Variants in DENND1A observed in about 807,000 individuals in gnomAD.
DENND1A encodes the protein DENN domain-containing protein 1A.
A neutral mutation model predicts 113.7 loss-of-function variants in DENND1A; 51 were observed. The observed-to-expected ratio is 0.45, with a 90% CI of 0.36 to 0.57. DENND1A has a LOEUF of 0.57. Among genes scored for constraint, DENND1A ranks in the 20% least tolerant of loss-of-function variants. The probability of loss-of-function intolerance (pLI) is 0.00; values close to 1 mark genes in which losing one functional copy is unlikely to be tolerated. For missense variants in DENND1A, 1,258 were observed against 1,395.9 expected, an observed-to-expected ratio of 0.90 and a Z score of 1.57; for synonymous variants, 565 against 570.8, an observed-to-expected ratio of 0.99 and a Z score of 0.14.
intron 13 of DENND1A, among the ~76,000 whole-genome samples, chr9:123,517,225 C>G (rs1355530869): frequency 6.6e-6 from 1 of 150,594 alleles, no homozygotes; most frequent in Non-Finnish European, 1.5e-5. Context: ...TGCACTCCAG[C>G]CTGGGCAACA....
intron 10 of DENND1A, among the ~76,000 whole-genome samples, chr9:123,627,793 G>C (rs1008577098): frequency 6.7e-6 from 1 of 150,326 alleles, no homozygotes; most frequent in Non-Finnish European, 1.5e-5. Flanking sequence ...GAGAGAGAGA[G>C]AGCAAGCTCA....
intron 5 of DENND1A, among the ~76,000 whole-genome samples, chr9:123,678,736 T>C (rs1202978433): frequency 6.6e-6 from 1 of 152,256 alleles, no homozygotes; most frequent in African/African-American, 2.4e-5. Context: ...AACTTAACTT[T>C]TCACTTCTAT....
intron 13 of DENND1A, among the ~76,000 whole-genome samples, chr9:123,468,474 A>G (rs970547582): frequency 6.6e-6 from 1 of 152,142 alleles, no homozygotes; most frequent in African/African-American, 2.4e-5. Context: ...CCTTTTTAAA[A>G]ACTTAAGAAT....
chr9:123,418,117 A>G (rs1224623248), intron 19 of DENND1A, among the ~76,000 whole-genome samples: 1 of 152,194 alleles, frequency 6.6e-6, no homozygotes, highest in African/African-American at 2.4e-5. Context: ...CGTCCTTGGT[A>G]TAGAAAATGC....
chr9:123,493,498 G>A (rs1024746358), intron 13 of DENND1A, among the ~76,000 whole-genome samples: 12 of 152,150 alleles, frequency 7.9e-5, no homozygotes, highest in African/African-American at 1.7e-4. Context: ...CCCAGAGAGC[G>A]GGGCCATCAC....
chr9:123,531,981 T>A (rs1181877532), intron 13 of DENND1A, among the ~76,000 whole-genome samples: 1 of 152,138 alleles, frequency 6.6e-6, no homozygotes, highest in Non-Finnish European at 1.5e-5. Flanking sequence ...TAACATGTGA[T>A]GAATGGAGGT....
chr9:123,881,226 G>GTGCTCTTT (rs1222870718), intron 1 of DENND1A, among the ~76,000 whole-genome samples: 2 of 152,226 alleles, frequency 1.3e-5, no homozygotes, highest in Non-Finnish European at 2.9e-5. Flanking sequence ...AAAAATTGTT[G>GTGCTCTTT]TGCTCTTTTT....
chr9:123,440,241 T>A (rs964580591), intron 19 of DENND1A, 119 bp downstream of exon 19: 16 of 1,218,824 alleles, frequency 1.3e-5, no homozygotes, highest in Non-Finnish European at 1.8e-5. Flanking sequence ...AAAACCTCCA[T>A]GGAGCTGCAC....
At chr9:123,758,449 A>C (rs2070759942) in intron 4 of DENND1A, among the ~76,000 whole-genome samples, 1 of 152,244 alleles carries the variant, frequency 6.6e-6, no homozygotes, top group Admixed American at 6.5e-5. Context: ...ACCAGAATAC[A>C]TCCTTAGTAA....
At chr9:123,505,031 T>G (rs2052799672) in intron 13 of DENND1A, among the ~76,000 whole-genome samples, 1 of 152,214 alleles carries the variant, frequency 6.6e-6, no homozygotes, top group Admixed American at 6.5e-5. Context: ...TCACTCTTAA[T>G]GTTAAATAAT....
chr9:123,587,485 T>C (rs144754972), intron 11 of DENND1A, among the ~76,000 whole-genome samples: 1 of 152,154 alleles, frequency 6.6e-6, no homozygotes, highest in Non-Finnish European at 1.5e-5. Flanking sequence ...GAAGGGAGTA[T>C]GCCCTAACCC....
At chr9:123,873,739 CT>C (rs1847008760) in intron 2 of DENND1A, among the ~76,000 whole-genome samples, 1 of 151,780 alleles carries the variant, frequency 6.6e-6, no homozygotes, top group Admixed American at 6.6e-5. Flanking sequence ...GCAAAATTAT[CT>C]ATCTCTCTTT....
At chr9:123,387,989 G>T in intron 21 of DENND1A, 131 bp from the exon 22 acceptor site, 1 of 955,890 alleles carries the variant, frequency 1.0e-6, no homozygotes. Flanking sequence ...CTGGGGTGGG[G>T]GCTCTCAGGA....
In DENND1A at chr9:123,899,414, T is replaced by C. The variant is rs112022890; in HGVS notation, c.18-20393A>G. Among the ~76,000 whole-genome samples the C allele has an allele frequency of 2.0e-5, 3 of 152,302 alleles. 1 individual carries two copies. The highest frequency in any genetic ancestry group is 7.2e-5 in the African/African-American group (3 of 41,556). ...TCAATTAATTTAATGGTTCTCTAAC[T>C]ACACTACCTTAAATGCTGGAGGTTT... On this transcript the variant is annotated intron_variant, in intron 1 of 23. Transcript: ENST00000394215.
At chr9:123,845,670 CAAAAAAAAAAAAA>C (rs555731367) in intron 2 of DENND1A, among the ~76,000 whole-genome samples, 20 of 44,096 alleles carry the variant, frequency 4.5e-4, no homozygotes, top group South Asian at 3.1e-3. Context: ...AACCTGTCTC[CAAAAAAAAAAAAA>C]AAAAAAAAAA....
chr9:123,736,139 T>C (rs531671323), intron 5 of DENND1A, among the ~76,000 whole-genome samples: 1 of 152,334 alleles, frequency 6.6e-6, no homozygotes, highest in South Asian at 2.1e-4. Context: ...CCAATAGCAG[T>C]TTTGTCTTTA....
At chr9:123,818,400 G>A (rs925438275) in intron 2 of DENND1A, among the ~76,000 whole-genome samples, 1 of 152,008 alleles carries the variant, frequency 6.6e-6, no homozygotes, top group African/African-American at 2.4e-5. Flanking sequence ...CACCGCACCT[G>A]GCCTATAGTA....
chr9:123,884,997 G>GCGCACACA (rs370719014), intron 1 of DENND1A, among the ~76,000 whole-genome samples: 74 of 145,948 alleles, frequency 5.1e-4, no homozygotes, highest in African/African-American at 1.5e-3. Flanking sequence ...GAGCGCGCGC[G>GCGCACACA]CACACACACA....
At chr9:123,463,668 G>T (rs2048710177) in intron 13 of DENND1A, among the ~76,000 whole-genome samples, 1 of 152,092 alleles carries the variant, frequency 6.6e-6, no homozygotes, top group Non-Finnish European at 1.5e-5. Context: ...CTGGCACTTT[G>T]GGAGGCTGAG....
Sources: allele counts gnomAD v4.1 joint callset (sites outside exome capture counted in the v4.1 genomes callset), GRCh38; gene constraint gnomAD v4.1.1; transcripts MANE v1.5; gene names NCBI Gene and HGNC (gene_info 2026-07-23, HGNC 2026-07-21).